Variants in TEKT1 observed in about 807,000 individuals in gnomAD.
TEKT1 encodes the protein tektin-1.
Under a neutral mutation model 34.8 loss-of-function variants are expected in TEKT1, and 32 were observed. The observed-to-expected ratio is 0.92, with a 90% CI of 0.69 to 1.23. The LOEUF is 1.23. Ranked by LOEUF, TEKT1 falls within the 50% of genes most tolerant of loss-of-function variation. The pLI, the probability that TEKT1 is intolerant of heterozygous loss-of-function variation, is 0.00. For missense variants in TEKT1, 492 were observed against 518.5 expected, an observed-to-expected ratio of 0.95 and a Z score of 0.50; for synonymous variants, 207 against 199.8, an observed-to-expected ratio of 1.04 and a Z score of -0.30.
rs527282553 is a variant in TEKT1, at chr17:6,804,536, G to A, written c.853-3593C>T. Among the ~76,000 whole-genome samples, 3 of 152,302 alleles carry A rather than the reference G, an allele frequency of 2.0e-5. No homozygotes were observed. The South Asian group carries it at 6.2e-4, about 32-fold the overall frequency. On this transcript the variant is annotated intron_variant, in intron 6 of 7. Transcript: ENST00000338694. ...GTGAGAGAGGGCATCCCTGTCTTGT[G>A]CCAGTTTTCAAAGGGAATGTTTCCA...
chr17:6,814,711 G>A (rs370983813), intron 5 of TEKT1, among the ~76,000 whole-genome samples: 37 of 152,072 alleles, frequency 2.4e-4, no homozygotes, highest in Middle Eastern at 3.4e-3. Context: ...GGTGGCGGGC[G>A]CCTGTAGTCC....
chr17:6,812,509 T>C (rs1394045511), intron 6 of TEKT1, among the ~76,000 whole-genome samples: 1 of 152,158 alleles, frequency 6.6e-6, no homozygotes, highest in Non-Finnish European at 1.5e-5. Flanking sequence ...GAGTGGCAAC[T>C]GGAGTGGGAA....
chr17:6,813,053 G>A lies in TEKT1; in HGVS notation c.630C>T (p.Asn210=). The A allele has an allele frequency of 6.2e-7, 1 of 1,612,786 alleles. No homozygotes were observed. The highest frequency in any genetic ancestry group is 8.5e-7 in the Non-Finnish European group (1 of 1,179,308). Residue 210 remains asparagine, a splice_region_variant and synonymous_variant, in exon 6 of 8, where the codon AAC becomes AAT. Coordinates refer to ENST00000338694, the MANE Select transcript of TEKT1 (RefSeq NM_053285.2). Reference sequence around the variant, plus strand: ...CCAACCAGTCTTCCAGACTCACGGAGCTGAAACAGACCTCACGCTTTCATT... The same window carrying A: ...CCAACCAGTCTTCCAGACTCACGGAACTGAAACAGACCTCACGCTTTCATT... ...YSENAVRIEP[N]SVSLEDWLDF...
chr17:6,819,348 G>A lies in TEKT1; in HGVS notation c.201C>T (p.Leu67=), dbSNP rs766574002. The part of the protein sequence containing the change: ...SDVNKKLEQR[L]EEVQFWKKEL... ...CCTTCTTCCAGAACTGGACTTCCTC[G>A]AGTCTCTGTTCTGAAGCACACGGGG... The change falls in exon 3 of 8, where the codon CTC becomes CTT. Residue 67 remains leucine, a synonymous_variant. Coordinates refer to ENST00000338694, the MANE Select transcript of TEKT1 (RefSeq NM_053285.2). 3.0e-5 allele frequency: 48 copies of A among 1,612,990 alleles called. No homozygotes were observed. Among genetic ancestry groups the A allele is most frequent in the South Asian group, 1.2e-4 (11 of 90,812 alleles).
Position 6,830,279 on chromosome 17 carries a change from C to T in TEKT1, c.98G>A (p.Arg33Gln), listed in dbSNP as rs373868041. The change falls in exon 2 of 8, where the codon CGA becomes CAA. Residue 33 changes from arginine (R) to glutamine (Q), a missense_variant. Arg to Gln is a conservative substitution (Grantham distance 43). Transcript: ENST00000338694. ...GCTTTCTGCGACCAGGCGTTCTGAT[C>T]GGGACCTTTGAGCGTCTGCTCTGTG... ...QYHRADAQRSRSERLVAESQR... is the reference protein window; with the variant it reads ...QYHRADAQRSQSERLVAESQR... 173 of 1,613,376 alleles carry T rather than the reference C, an allele frequency of 1.1e-4. No homozygotes were observed. The highest frequency in any genetic ancestry group is 1.4e-4 in the Non-Finnish European group (165 of 1,179,944).
At chr17:6,818,203 C>T (rs1977033742) in intron 3 of TEKT1, among the ~76,000 whole-genome samples, 2 of 152,148 alleles carry the variant, frequency 1.3e-5, no homozygotes, top group Non-Finnish European at 2.9e-5. Flanking sequence ...TAAAATTTAT[C>T]TTGAAGCCAT....
intron 6 of TEKT1, among the ~76,000 whole-genome samples, chr17:6,806,663 A>G (rs898783572): frequency 5.3e-5 from 8 of 152,236 alleles, no homozygotes; most frequent in African/African-American, 7.2e-5. Flanking sequence ...GGCAGGCCTG[A>G]TGGTGACAAA....
chr17:6,806,087 A>G (rs376253221), intron 6 of TEKT1, among the ~76,000 whole-genome samples: 4 of 152,034 alleles, frequency 2.6e-5, no homozygotes, highest in Non-Finnish European at 5.9e-5. Flanking sequence ...TCCCATTATT[A>G]TTGTGTGGGA....
chr17:6,814,778 C>T (rs2151586682), intron 5 of TEKT1, among the ~76,000 whole-genome samples: 1 of 150,866 alleles, frequency 6.6e-6, no homozygotes, highest in East Asian at 2.0e-4. Flanking sequence ...ACGGAGCTTG[C>T]AGTGAGGTGA....
Position 6,819,228 on chromosome 17 carries a change from C to A in TEKT1, c.321G>T (p.Glu107Asp). 6.2e-7 allele frequency: 1 copy of A among 1,613,942 alleles called. No homozygotes were observed. Among genetic ancestry groups the A allele is most frequent in the Non-Finnish European group, 8.5e-7 (1 of 1,179,928 alleles). ...RLEKALETLK[E>D]PLHITETCLA... Reference sequence around the variant, plus strand: ...GGCATGTCTCAGTGATGTGCAAGGGCTCTTTCAAGGTCTCCAGGGCTTTTT... The same window carrying A: ...GGCATGTCTCAGTGATGTGCAAGGGATCTTTCAAGGTCTCCAGGGCTTTTT... Residue 107 changes from glutamate to aspartate, a missense_variant, in exon 3 of 8, where the codon GAG becomes GAT. By Grantham distance (45) the Glu-to-Asp change is conservative (BLOSUM62 2). Transcript: ENST00000338694.
At chr17:6,808,433 A>C (rs866521601) in intron 6 of TEKT1, among the ~76,000 whole-genome samples, 2 of 151,196 alleles carry the variant, frequency 1.3e-5, no homozygotes, top group African/African-American at 4.9e-5. Flanking sequence ...GCAATGCCTC[A>C]CCGTGCTTCG....
At chr17:6,821,250 G>A (rs1278665895) in intron 2 of TEKT1, among the ~76,000 whole-genome samples, 3 of 152,138 alleles carry the variant, frequency 2.0e-5, no homozygotes, top group African/African-American at 4.8e-5. Context: ...ACCTGTTGAG[G>A]GAAGGACTTG....
Position 6,830,408 on chromosome 17 carries a change from A to G in TEKT1, c.-17-15T>C. 1.3e-6 allele frequency: 2 copies of G among 1,497,008 alleles called. No individual in the cohort carries two copies. The highest frequency in any genetic ancestry group is 1.8e-6 in the Non-Finnish European group (2 of 1,115,258). The allele number at this position is 1,497,008 out of a possible 1,614,324, so 92.7% of individuals were successfully genotyped here. On this transcript the variant is annotated splice_polypyrimidine_tract_variant and intron_variant, in intron 1 of 7. Coordinates refer to ENST00000338694, the MANE Select transcript of TEKT1 (RefSeq NM_053285.2). ...TTTCCAAATTCCTGATCAAAAGCAG[A>G]CTCTTTTAGATTAAATGAAAGCAAT...
intron 1 of TEKT1, among the ~76,000 whole-genome samples, chr17:6,830,857 G>A (rs1904555515): frequency 6.6e-6 from 1 of 152,054 alleles, no homozygotes; most frequent in Admixed American, 6.6e-5. Context: ...TTACACTCCA[G>A]GGCCATAATG....
In TEKT1 at chr17:6,800,077, C is replaced by A; in HGVS notation, c.1207G>T (p.Glu403Ter). Reference protein sequence around the residue: ...MRKSIPLRDGEDHGVWAGGLR... With the variant: ...MRKSIPLRDG ...CCCCCAGCCCAGACCCCATGGTCTT[C>A]CCCATCCCGAAGTGGGATGGATTTC... Residue 403 changes from glutamate to a stop codon, truncating the protein, a stop_gained, in exon 8 of 8, where the codon GAA becomes TAA. Transcript: ENST00000338694. LOFTEE classifies it low-confidence loss of function (END_TRUNC). 1 of 1,613,088 alleles carries A rather than the reference C, an allele frequency of 6.2e-7. No homozygotes were observed. Among genetic ancestry groups the A allele is most frequent in the South Asian group, 1.1e-5 (1 of 91,076 alleles).
At position 6,811,238 on chromosome 17, in the gene TEKT1, T is replaced by C. The variant is rs1976923363; in HGVS notation, c.852+1593A>G. 6.6e-6 allele frequency among the ~76,000 whole-genome samples: 1 copy of C among 152,108 alleles called. No individual in the cohort carries two copies. The highest frequency in any genetic ancestry group is 1.9e-4 in the East Asian group (1 of 5,196). On this transcript the variant is annotated intron_variant, in intron 6 of 7. Transcript: ENST00000338694. This position sits in a 1 kb window ranked among gnomAD's most constrained non-coding sequence, Gnocchi z 4.4. ...TATTCCTTGGCTATCATCATCATCA[T>C]CATCATCATCAATCAACTATTTTTA... is the stretch of plus-strand genomic sequence containing the variant.
rs764178470 is a variant in TEKT1, at chr17:6,815,183, G to A, written c.609C>T (p.Asn203=). The A allele has an allele frequency of 1.6e-5, 26 of 1,613,426 alleles. No individual in the cohort carries two copies. Among genetic ancestry groups the A allele is most frequent in the Admixed American group, 5.0e-5 (3 of 59,958 alleles). ...NNSPNIRYSE[N]AVRIEPNSVS... ...CTCACTTTGGCTCAATCCTCACGGC[G>A]TTCTCAGAATATCTGATGTTTGGTG... is the stretch of plus-strand genomic sequence containing the variant. Residue 203 remains asparagine, a synonymous_variant, in exon 5 of 8, where the codon AAC becomes AAT. Transcript: ENST00000338694.
Position 6,819,127 on chromosome 17 carries a change from G to A in TEKT1, c.356+66C>T, listed in dbSNP as rs1393089309. 5.1e-5 allele frequency: 79 copies of A among 1,553,068 alleles called. No homozygotes were observed. The Middle Eastern group carries it at 7.2e-4, about 14-fold the overall frequency. ...TTCTAACTCACCATCGCACACAGCC[G>A]GCATTTACTACCCAGCATCTCATTT... is the stretch of plus-strand genomic sequence containing the variant. On this transcript the variant is annotated intron_variant, in intron 3 of 7. Transcript: ENST00000338694.
At chr17:6,806,074 G>A (rs890746596) in intron 6 of TEKT1, among the ~76,000 whole-genome samples, 9 of 152,262 alleles carry the variant, frequency 5.9e-5, no homozygotes, top group Admixed American at 1.3e-4. Context: ...GGGTGGTAAA[G>A]TCTCCCATTA....
Sources: gnomAD v4.1 joint callset for allele counts (sites outside exome capture counted in the v4.1 genomes callset) on GRCh38, gnomAD v4.1.1 for gene constraint, Gnocchi (gnomAD v3.1) non-coding constraint, MANE v1.5 for transcripts, NCBI Gene and HGNC (gene_info 2026-07-23, HGNC 2026-07-21) for gene names.